The following TP53I3 variants were observed in gnomAD, a reference collection of about 807,000 sequenced individuals.
TP53I3 encodes tumor protein p53 inducible protein 3, also known as quinone oxidoreductase PIG3.
In TP53I3, 32 loss-of-function variants were observed where a neutral mutation model predicts 27.7. That is an observed-to-expected ratio of 1.16 (90% confidence interval 0.87 to 1.55). The LOEUF is 1.55. Ranked by LOEUF, TP53I3 falls within the 40% of genes most tolerant of loss-of-function variation. The probability of loss-of-function intolerance (pLI) is 0.00; values close to 1 mark genes in which losing one functional copy is unlikely to be tolerated. For synonymous variants in TP53I3, 138 were observed against 167.8 expected (o/e 0.82, Z 1.37); for missense variants, 372 against 412.3 (o/e 0.90, Z 0.85).
chr2:24,083,709 T>G (rs1440229377), intron 1 of TP53I3, among the ~76,000 whole-genome samples: 2 of 152,110 alleles, frequency 1.3e-5, no homozygotes, highest in Admixed American at 6.6e-5. Flanking sequence ...CAGAAGAAAA[T>G]TCTTAAGAGT....
In TP53I3 at chr2:24,077,610, A is replaced by G. The variant is rs370720315; in HGVS notation, c.968T>C (p.Ile323Thr). ...GGGCAGTTCCAGGACGATCTTGCCTATGTTCTTGTTGGCCTCCATGTACTT... is the reference window on the plus strand; with the variant it reads ...GGGCAGTTCCAGGACGATCTTGCCTGTGTTCTTGTTGGCCTCCATGTACTT... ...AHKYMEANKNIGKIVLELPQ is the reference protein window; with the variant it reads ...AHKYMEANKNTGKIVLELPQ Residue 323 changes from isoleucine to threonine, a missense_variant, in exon 5 of 5, where the codon ATA (isoleucine) becomes ACA (threonine). Ile to Thr is a moderately conservative substitution (Grantham distance 89, BLOSUM62 -1). Transcript: ENST00000238721. This position sits in a 1 kb window ranked among gnomAD's most constrained non-coding sequence, Gnocchi z 5.5. 5.6e-6 allele frequency: 9 copies of G among 1,613,550 alleles called. No homozygotes were observed. The African/African-American group carries it at 6.7e-5, about 12-fold the overall frequency.
Position 24,084,518 on chromosome 2 carries a change from C to T in TP53I3, c.-192G>A, listed in dbSNP as rs1665174712. On this transcript the variant is annotated 5_prime_UTR_variant, in exon 1 of 5. Coordinates refer to ENST00000238721, the MANE Select transcript of TP53I3 (RefSeq NM_004881.5). This position sits in a 1 kb window ranked among gnomAD's most constrained non-coding sequence, Gnocchi z 8.4. ...TGCCCTGGTCTGCCGCGGACCCGGC[C>T]TCCGCCCCGAGCTCCTGCCTGGGAA... 1.4e-6 allele frequency: 1 copy of T among 737,362 alleles called. No homozygotes were observed. Among genetic ancestry groups the T allele is most frequent in the East Asian group, 3.2e-5 (1 of 31,172 alleles). 45.7% of individuals were successfully genotyped at this position (737,362 alleles called of 1,614,324 possible). A position where few individuals can be genotyped will look rare whatever the true frequency, so the allele number is the denominator to read the frequency against.
At chr2:24,078,020 C>T (rs1664834663) in intron 4 of TP53I3, among the ~76,000 whole-genome samples, 1 of 152,182 alleles carries the variant, frequency 6.6e-6, no homozygotes, top group South Asian at 2.1e-4. Context: ...GGCTAGCTGA[C>T]CTGTCTCTTC....
At chr2:24,081,895 C>T (rs1379441647) in intron 2 of TP53I3, among the ~76,000 whole-genome samples, 6 of 152,038 alleles carry the variant, frequency 3.9e-5, no homozygotes, top group African/African-American at 1.2e-4. Context: ...TGAAGTTTCA[C>T]CGTGTTAGCC....
In TP53I3 at chr2:24,080,319, C is replaced by T. The variant is rs1417503896; in HGVS notation, c.619+500G>A. On this transcript the variant is annotated intron_variant, in intron 3 of 4. Coordinates refer to ENST00000238721, the MANE Select transcript of TP53I3 (RefSeq NM_004881.5). This position sits in a 1 kb window ranked among gnomAD's most constrained non-coding sequence, Gnocchi z 4.7. Reference sequence around the variant, plus strand: ...GCAGCGAGCCGAGATCAAGCCACTGCACGCCATCCTCAGTGACAGAGTGAG... The same window carrying T: ...GCAGCGAGCCGAGATCAAGCCACTGTACGCCATCCTCAGTGACAGAGTGAG... Among the ~76,000 whole-genome samples the T allele has an allele frequency of 6.6e-6, 1 of 151,354 alleles. No individual in the cohort carries two copies. Among genetic ancestry groups the T allele is most frequent in the East Asian group, 1.9e-4 (1 of 5,174 alleles).
rs754667093 is a variant in TP53I3 at position 24,077,735 on chromosome 2, G to T, written c.843C>A (p.Phe281Leu). Residue 281 changes from phenylalanine to leucine, a missense_variant, in exon 5 of 5, where the codon TTC (phenylalanine) becomes TTA (leucine). Physicochemically the swap from Phe to Leu is conservative, Grantham distance 22. Coordinates refer to ENST00000238721, the MANE Select transcript of TP53I3 (RefSeq NM_004881.5). This position sits in a 1 kb window ranked among gnomAD's most constrained non-coding sequence, Gnocchi z 5.5. ...AGAAGTGAGGCAGAATTTGCTCCGTGAAAGCATTCACCAGCATTTGCTTGT... is the reference window on the plus strand; with the variant it reads ...AGAAGTGAGGCAGAATTTGCTCCGTTAAAGCATTCACCAGCATTTGCTTGT... ...NKYKQMLVNA[F>L]TEQILPHFST... 1.2e-5 allele frequency: 19 copies of T among 1,613,866 alleles called. No homozygotes were observed. The South Asian group carries it at 1.9e-4, about 16-fold the overall frequency.
In TP53I3 at chr2:24,084,044, G is replaced by A. The variant is rs1665137829; in HGVS notation, c.138+145C>T. Reference sequence around the variant, plus strand: ...TTTGCATGAACAAAGAGGGCGCCCTGGGTTTAGGTCTGGGAAGCCCCAGCG... The same window carrying A: ...TTTGCATGAACAAAGAGGGCGCCCTAGGTTTAGGTCTGGGAAGCCCCAGCG... On this transcript the variant is annotated intron_variant, in intron 1 of 4. Transcript: ENST00000238721. This position sits in a 1 kb window ranked among gnomAD's most constrained non-coding sequence, Gnocchi z 8.4. The A allele has an allele frequency of 7.6e-7, 1 of 1,313,282 alleles. No individual in the cohort carries two copies. Among genetic ancestry groups the A allele is most frequent in the African/African-American group, 1.5e-5 (1 of 66,958 alleles). 81.4% of individuals were successfully genotyped at this position (1,313,282 alleles called of 1,614,324 possible).
chr2:24,081,911 G>A (rs1217017155), intron 2 of TP53I3, among the ~76,000 whole-genome samples: 1 of 151,906 alleles, frequency 6.6e-6, no homozygotes, highest in African/African-American at 2.4e-5. Flanking sequence ...TAGCCAGGAT[G>A]GTCTCGATCT....
chr2:24,080,782 C>T lies in TP53I3; in HGVS notation c.619+37G>A. 1.2e-6 allele frequency: 2 copies of T among 1,610,822 alleles called. No homozygotes were observed. The highest frequency in any genetic ancestry group is 1.7e-6 in the Non-Finnish European group (2 of 1,177,444). On this transcript the variant is annotated intron_variant, in intron 3 of 4. Coordinates refer to ENST00000238721, the MANE Select transcript of TP53I3 (RefSeq NM_004881.5). This position sits in a 1 kb window ranked among gnomAD's most constrained non-coding sequence, Gnocchi z 4.7. ...TGGTGGGGCTTTTATTTAATCATCT[C>T]TTAAATTCCTGCTGAACTGTAGAAG...
chr2:24,084,339 C>G lies in TP53I3; in HGVS notation c.-13G>C, dbSNP rs769183724. On this transcript the variant is annotated 5_prime_UTR_variant, in exon 1 of 5. Coordinates refer to ENST00000238721, the MANE Select transcript of TP53I3 (RefSeq NM_004881.5). This position sits in a 1 kb window ranked among gnomAD's most constrained non-coding sequence, Gnocchi z 8.4. ...GCACGGCTAACATATTGTCTGAGGA[C>G]ACAGGGCAGGGCAGGGCAGGACAGG... 6.2e-7 allele frequency: 1 copy of G among 1,602,070 alleles called. No homozygotes were observed. Among genetic ancestry groups the G allele is most frequent in the Non-Finnish European group, 8.5e-7 (1 of 1,173,590 alleles).
At position 24,084,719 on chromosome 2, in the gene TP53I3, TGA is replaced by T. The variant is rs1665184084; in HGVS notation, c.-395_-394del. 2 of 169,020 alleles carry T rather than the reference TGA, an allele frequency of 1.2e-5. No homozygotes were observed. The highest frequency in any genetic ancestry group is 2.5e-5 in the Non-Finnish European group (2 of 79,772). The allele number at this position is 169,020 out of a possible 1,614,324, so 10.5% of individuals were successfully genotyped here. On this transcript the variant is annotated 5_prime_UTR_variant, in exon 1 of 5. Coordinates refer to ENST00000238721, the MANE Select transcript of TP53I3 (RefSeq NM_004881.5). This position sits in a 1 kb window ranked among gnomAD's most constrained non-coding sequence, Gnocchi z 8.4. ...CCGACCCGGGTCCCCGGCGCCCGTA[TGA>T]GTTACTTACTCCTGGCCCGGCTCCC... is the stretch of plus-strand genomic sequence containing the variant.
chr2:24,083,564 C>T (rs1361519936), intron 1 of TP53I3, among the ~76,000 whole-genome samples: 1 of 152,168 alleles, frequency 6.6e-6, no homozygotes, highest in Non-Finnish European at 1.5e-5. Flanking sequence ...TGTGGCAGAA[C>T]CACCTGAGGA....
At position 24,084,439 on chromosome 2, in the gene TP53I3, A is replaced by G; in HGVS notation, c.-113T>C. On this transcript the variant is annotated 5_prime_UTR_variant, in exon 1 of 5. Transcript: ENST00000238721. The surrounding 1 kb of genome is among the most constrained non-coding windows in gnomAD (Gnocchi z 8.4). ...GGCAGGGGCCGCTGTATCCTCGCGGAGCAGCCCAGCCTCAGGCTGGCACCG... is the reference window on the plus strand; with the variant it reads ...GGCAGGGGCCGCTGTATCCTCGCGGGGCAGCCCAGCCTCAGGCTGGCACCG... The G allele has an allele frequency of 7.5e-7, 1 of 1,334,538 alleles. No homozygotes were observed. Among genetic ancestry groups the G allele is most frequent in the South Asian group, 1.6e-5 (1 of 63,538 alleles). The allele number at this position is 1,334,538 out of a possible 1,614,324, so 82.7% of individuals were successfully genotyped here. A position where few individuals can be genotyped will look rare whatever the true frequency, so the allele number is the denominator to read the frequency against.
rs760904856 is a variant in TP53I3 at position 24,081,049 on chromosome 2, G to A, written c.407-18C>T. On this transcript the variant is annotated intron_variant, in intron 2 of 4. Transcript: ENST00000238721. Reference sequence around the variant, plus strand: ...AACATTTCCTGTGACAGAAAGTACAGGGTTCTCTTTACTTTGCAACTGCTA... The same window carrying A: ...AACATTTCCTGTGACAGAAAGTACAAGGTTCTCTTTACTTTGCAACTGCTA... 9.3e-6 allele frequency: 15 copies of A among 1,606,378 alleles called. No individual in the cohort carries two copies. In the South Asian group the frequency reaches 1.5e-4, roughly 17 times the overall value.
In TP53I3 at chr2:24,077,672, G is replaced by A. The variant is rs551087059; in HGVS notation, c.906C>T (p.Asp302=). Residue 302 remains aspartate (D), a synonymous_variant, in exon 5 of 5, where the codon GAC becomes GAT. Transcript: ENST00000238721. The surrounding 1 kb of genome is among the most constrained non-coding windows in gnomAD (Gnocchi z 5.5). The part of the protein sequence containing the change: ...EGPQRLLPVL[D]RIYPVTEIQE... ...GGATTTCGGTCACTGGGTAGATTCT[G>A]TCCAGAACCGGCAGCAGACGTTGGG... 3 of 1,614,076 alleles carry A rather than the reference G, an allele frequency of 1.9e-6. No homozygotes were observed. Among genetic ancestry groups the A allele is most frequent in the South Asian group, 2.2e-5 (2 of 91,076 alleles).
Position 24,077,545 on chromosome 2 carries a change from G to C in TP53I3, c.*34C>G, listed in dbSNP as rs1339436790. ...CTCCAGGTTTGCTCTGGAAAGGCCTGGGGTGGCCGCGTCCTGTCCTGCCCC... is the reference window on the plus strand; with the variant it reads ...CTCCAGGTTTGCTCTGGAAAGGCCTCGGGTGGCCGCGTCCTGTCCTGCCCC... On this transcript the variant is annotated 3_prime_UTR_variant, in exon 5 of 5. Coordinates refer to ENST00000238721, the MANE Select transcript of TP53I3 (RefSeq NM_004881.5). This position sits in a 1 kb window ranked among gnomAD's most constrained non-coding sequence, Gnocchi z 5.5. 6.3e-7 allele frequency: 1 copy of C among 1,591,878 alleles called. No individual in the cohort carries two copies. Among genetic ancestry groups the C allele is most frequent in the Non-Finnish European group, 8.5e-7 (1 of 1,170,116 alleles).
At chr2:24,081,120 G>C (rs549092734) in intron 2 of TP53I3, 89 bp from the exon 3 acceptor site, 2 of 867,696 alleles carry the variant, frequency 2.3e-6, no homozygotes, top group South Asian at 5.4e-5. Flanking sequence ...CCTGGCCGTT[G>C]CACCAAATGC....
rs374735072 is a variant in TP53I3, at chr2:24,084,340, A to G, written c.-14T>C. The G allele has an allele frequency of 1.4e-6, 2 of 1,476,438 alleles. No individual in the cohort carries two copies. Among genetic ancestry groups the G allele is most frequent in the Admixed American group, 1.8e-5 (1 of 56,668 alleles). The allele number at this position is 1,476,438 out of a possible 1,614,324, so 91.5% of individuals were successfully genotyped here. On this transcript the variant is annotated 5_prime_UTR_variant, in exon 1 of 5. Coordinates refer to ENST00000238721, the MANE Select transcript of TP53I3 (RefSeq NM_004881.5). This position sits in a 1 kb window ranked among gnomAD's most constrained non-coding sequence, Gnocchi z 8.4. Reference sequence around the variant, plus strand: ...CACGGCTAACATATTGTCTGAGGACACAGGGCAGGGCAGGGCAGGACAGGA... The same window carrying G: ...CACGGCTAACATATTGTCTGAGGACGCAGGGCAGGGCAGGGCAGGACAGGA...
chr2:24,080,787 AT>A lies in TP53I3; in HGVS notation c.619+31del. 6.2e-7 allele frequency: 1 copy of A among 1,612,924 alleles called. No homozygotes were observed. Among genetic ancestry groups the A allele is most frequent in the Non-Finnish European group, 8.5e-7 (1 of 1,179,312 alleles). On this transcript the variant is annotated intron_variant, in intron 3 of 4. Transcript: ENST00000238721. This position sits in a 1 kb window ranked among gnomAD's most constrained non-coding sequence, Gnocchi z 4.7. ...GGGCTTTTATTTAATCATCTCTTAA[AT>A]TCCTGCTGAACTGTAGAAGCAGTTG...
Sources: allele counts gnomAD v4.1 joint callset (sites outside exome capture counted in the v4.1 genomes callset), GRCh38; gene constraint gnomAD v4.1.1; non-coding constraint Gnocchi (gnomAD v3.1); transcripts MANE v1.5; gene names NCBI Gene and HGNC (gene_info 2026-07-23, HGNC 2026-07-21).